Variants in EPB41L5 observed in about 807,000 individuals in gnomAD.
EPB41L5 encodes band 4.1-like protein 5.
A neutral mutation model predicts 106.6 loss-of-function variants in EPB41L5; 55 were observed. The observed-to-expected ratio is 0.52, with a 90% CI of 0.42 to 0.65. The LOEUF (loss-of-function observed/expected upper bound fraction) is 0.65, where lower values mean the gene tolerates loss of function less well. EPB41L5 is among the 30% of genes least tolerant of loss of function. The pLI is 0.00. For synonymous variants in EPB41L5, 297 were observed against 306.7 expected, an observed-to-expected ratio of 0.97 and a Z score of 0.33; for missense variants, 871 against 882.1, an observed-to-expected ratio of 0.99 and a Z score of 0.16.
At chr2:120,061,937 T>A (rs1681110746) in intron 3 of EPB41L5, among the ~76,000 whole-genome samples, 1 of 152,184 alleles carries the variant, frequency 6.6e-6, no homozygotes, top group African/African-American at 2.4e-5. Flanking sequence ...GTGGCACCTG[T>A]GGAGAATAGA....
At chr2:120,158,323 A>G (rs1686988918) in intron 20 of EPB41L5, among the ~76,000 whole-genome samples, 1 of 152,244 alleles carries the variant, frequency 6.6e-6, no homozygotes, top group Non-Finnish European at 1.5e-5. Context: ...AGTATTCTTG[A>G]TGAACATCAA....
chr2:120,084,722 T>G (rs374952888), intron 10 of EPB41L5, among the ~76,000 whole-genome samples: 25 of 152,226 alleles, frequency 1.6e-4, no homozygotes, highest in Admixed American at 1.6e-3. Context: ...CAGAGTGTTT[T>G]CCAACTTGGT....
chr2:120,110,721 G>A (rs1198424689), intron 16 of EPB41L5, among the ~76,000 whole-genome samples: 3 of 145,516 alleles, frequency 2.1e-5, no homozygotes, highest in East Asian at 2.1e-4. Context: ...TGCAGCCTCC[G>A]CCTCCTGGGT....
At chr2:120,099,837 G>A (rs1421008426) in intron 14 of EPB41L5, among the ~76,000 whole-genome samples, 1 of 152,164 alleles carries the variant, frequency 6.6e-6, no homozygotes, top group African/African-American at 2.4e-5. Context: ...GTTATAAAAC[G>A]CTGAGTTGTT....
chr2:120,027,153 T>C (rs1678381726), intron 2 of EPB41L5, among the ~76,000 whole-genome samples: 1 of 152,218 alleles, frequency 6.6e-6, no homozygotes, highest in Admixed American at 6.5e-5. Context: ...GGGGCAGTTA[T>C]TCATATAGTA....
intron 14 of EPB41L5, among the ~76,000 whole-genome samples, chr2:120,099,876 AAT>A (rs1490663850): frequency 1.3e-5 from 2 of 152,224 alleles, no homozygotes; most frequent in Non-Finnish European, 2.9e-5. Flanking sequence ...TGAGGGTAGG[AAT>A]ATACAAAAGA....
At chr2:120,065,909 A>G (rs1681414712) in intron 3 of EPB41L5, among the ~76,000 whole-genome samples, 1 of 152,184 alleles carries the variant, frequency 6.6e-6, no homozygotes, top group Non-Finnish European at 1.5e-5. Flanking sequence ...TATTTAGCCT[A>G]TTAATTTTCA....
intron 3 of EPB41L5, among the ~76,000 whole-genome samples, chr2:120,057,332 C>A (rs942298957): frequency 6.6e-6 from 1 of 152,134 alleles, no homozygotes; most frequent in African/African-American, 2.4e-5. Context: ...CAGAATACTA[C>A]CCCATCGTCT....
chr2:120,071,016 C>T lies in EPB41L5; in HGVS notation c.286-2162C>T, dbSNP rs146517587. On this transcript the variant is annotated intron_variant, in intron 3 of 24. Transcript: ENST00000263713. ...AATCAGGCAAGAGAAAGAAATAAAG[C>T]ATATTCATATGGGAAGAGAGGAAGT... is the stretch of plus-strand genomic sequence containing the variant. Among the ~76,000 whole-genome samples the T allele has an allele frequency of 3.3e-4, 50 of 152,170 alleles. 1 individual carries two copies. In the East Asian group the frequency reaches 9.7e-3, roughly 29 times the overall value.
At chr2:120,029,086 G>A (rs1023750081) in intron 2 of EPB41L5, among the ~76,000 whole-genome samples, 19 of 152,172 alleles carry the variant, frequency 1.2e-4, no homozygotes, top group African/African-American at 4.6e-4. Context: ...TAGCACGGCA[G>A]TTGGAGAATG....
At chr2:120,054,591 CT>C (rs1680511303) in intron 3 of EPB41L5, among the ~76,000 whole-genome samples, 1 of 151,858 alleles carries the variant, frequency 6.6e-6, no homozygotes, top group South Asian at 2.1e-4. Context: ...GCAACTCCGC[CT>C]CCCGGTTCGA....
intron 18 of EPB41L5, among the ~76,000 whole-genome samples, chr2:120,134,938 C>T (rs1456960533): frequency 6.6e-6 from 1 of 152,080 alleles, no homozygotes; most frequent in Non-Finnish European, 1.5e-5. Context: ...AACATGACCT[C>T]ACCAAACAAA....
intron 22 of EPB41L5, 78 bp downstream of exon 22, chr2:120,164,988 C>G (rs564931304): frequency 9.1e-6 from 10 of 1,097,760 alleles, no homozygotes; most frequent in Middle Eastern, 4.3e-4. Context: ...CAGTTTTTTC[C>G]TTTTTAATAA....
intron 19 of EPB41L5, among the ~76,000 whole-genome samples, chr2:120,145,945 CAA>C (rs11341458): frequency 6.6e-6 from 1 of 150,426 alleles, no homozygotes. Context: ...GACTCAATCT[CAA>C]AAAAAAAATA....
intron 2 of EPB41L5, among the ~76,000 whole-genome samples, chr2:120,040,322 C>T (rs1196315210): frequency 6.6e-6 from 1 of 152,090 alleles, no homozygotes; most frequent in Non-Finnish European, 1.5e-5. Flanking sequence ...GAACAAGTAA[C>T]ATTACGAAGA....
At chr2:120,045,713 A>G (rs1398389795) in intron 3 of EPB41L5, among the ~76,000 whole-genome samples, 3 of 152,114 alleles carry the variant, frequency 2.0e-5, no homozygotes, top group Non-Finnish European at 2.9e-5. Context: ...ACATGTGCAC[A>G]ACATGCAGGT....
chr2:120,060,993 T>G (rs1681001238), intron 3 of EPB41L5, among the ~76,000 whole-genome samples: 2 of 150,332 alleles, frequency 1.3e-5, no homozygotes, highest in Admixed American at 6.6e-5. Context: ...TTTGAAAAGG[T>G]TATATATAGA....
intron 3 of EPB41L5, among the ~76,000 whole-genome samples, chr2:120,049,161 G>T (rs1360744168): frequency 6.6e-6 from 1 of 152,192 alleles, no homozygotes; most frequent in Non-Finnish European, 1.5e-5. Context: ...GGAGAGTTCT[G>T]CAGATATCTA....
intron 3 of EPB41L5, among the ~76,000 whole-genome samples, chr2:120,072,672 A>T (rs1054561559): frequency 6.6e-6 from 1 of 152,126 alleles, no homozygotes; most frequent in African/African-American, 2.4e-5. Context: ...TAGCAAACTA[A>T]CACAGGAACA....
Sources: allele counts gnomAD v4.1 joint callset (sites outside exome capture counted in the v4.1 genomes callset), GRCh38; gene constraint gnomAD v4.1.1; transcripts MANE v1.5; gene names NCBI Gene and HGNC (gene_info 2026-07-23, HGNC 2026-07-21).